The following FTO variants were observed in gnomAD, a reference collection of about 807,000 sequenced individuals.
The protein encoded by FTO is FTO alpha-ketoglutarate dependent dioxygenase.
A neutral mutation model predicts 63.9 loss-of-function variants in FTO; 47 were observed. The observed-to-expected ratio is 0.74, with a 90% CI of 0.58 to 0.94. The LOEUF is 0.94. Among genes scored for constraint, FTO ranks in the 40% least tolerant of loss-of-function variants. The pLI is 0.00. For synonymous variants in FTO, 207 were observed against 224.4 expected (o/e 0.92, Z 0.69); for missense variants, 562 against 618.1 (o/e 0.91, Z 0.96).
chr16:53,987,460 G>A (rs2143867741), intron 8 of FTO, among the ~76,000 whole-genome samples: 1 of 151,960 alleles, frequency 6.6e-6, no homozygotes, highest in Non-Finnish European at 1.5e-5. Flanking sequence ...GCATGCGCCT[G>A]TAATCCCAGC....
chr16:53,846,890 GATTAAAAAAGCAATA>G (rs1219292360), intron 4 of FTO, among the ~76,000 whole-genome samples: 1 of 150,800 alleles, frequency 6.6e-6, no homozygotes, highest in Admixed American at 6.6e-5. Flanking sequence ...GTTCTTTTCT[GATTAAAAAAGCAATA>G]TGTGCTTATT....
At chr16:53,971,714 TTAACTG>T (rs1159564984) in intron 8 of FTO, among the ~76,000 whole-genome samples, 1 of 152,240 alleles carries the variant, frequency 6.6e-6, no homozygotes, top group African/African-American at 2.4e-5. Context: ...GCTGCTACTT[TTAACTG>T]TGTGTTAACT....
At chr16:54,090,052 A>T (rs1336552295) in intron 8 of FTO, among the ~76,000 whole-genome samples, 2 of 152,180 alleles carry the variant, frequency 1.3e-5, no homozygotes, top group African/African-American at 4.8e-5. Flanking sequence ...AAAGAATTGA[A>T]AGCAGGGACT....
chr16:53,996,544 A>G (rs1199082102), intron 8 of FTO, among the ~76,000 whole-genome samples: 2 of 152,214 alleles, frequency 1.3e-5, no homozygotes, highest in African/African-American at 4.8e-5. Context: ...CTTGGAGCCT[A>G]GTAAGGGAGA....
intron 1 of FTO, among the ~76,000 whole-genome samples, chr16:53,731,013 T>A (rs1317082370): frequency 3.3e-5 from 5 of 152,188 alleles, no homozygotes; most frequent in African/African-American, 1.2e-4. Context: ...AGATAGGGAT[T>A]TTTTAAGGCT....
intron 8 of FTO, among the ~76,000 whole-genome samples, chr16:54,062,775 T>A (rs2085614579): frequency 6.6e-6 from 1 of 152,174 alleles, no homozygotes; most frequent in Non-Finnish European, 1.5e-5. Context: ...TGCGCTGGCT[T>A]GACACACAGG....
chr16:53,963,638 C>T (rs1329541637), intron 8 of FTO, among the ~76,000 whole-genome samples: 1 of 152,180 alleles, frequency 6.6e-6, no homozygotes, highest in African/African-American at 2.4e-5. Context: ...GGCCACGTGA[C>T]GTGCCTGCTT....
chr16:53,709,113 C>T (rs891724909), intron 1 of FTO, among the ~76,000 whole-genome samples: 4 of 152,136 alleles, frequency 2.6e-5, no homozygotes, highest in Admixed American at 1.3e-4. Context: ...TTGTCATCCC[C>T]ATAATGGGCA....
intron 6 of FTO, among the ~76,000 whole-genome samples, chr16:53,888,317 C>T (rs1044635345): frequency 1.1e-5 from 1 of 90,338 alleles, no homozygotes; most frequent in African/African-American, 3.6e-5. Context: ...AATCCTCTTG[C>T]CTCAGCCTCC....
intron 8 of FTO, among the ~76,000 whole-genome samples, chr16:53,982,565 T>C (rs1395481085): frequency 6.6e-6 from 1 of 152,196 alleles, no homozygotes; most frequent in Non-Finnish European, 1.5e-5. Flanking sequence ...TGCATGAACT[T>C]GTTCATGGTA....
intron 8 of FTO, among the ~76,000 whole-genome samples, chr16:53,964,174 A>G (rs1191446177): frequency 3.9e-5 from 6 of 152,218 alleles, no homozygotes; most frequent in Non-Finnish European, 7.3e-5. Context: ...CAGGTCAGGG[A>G]TCAGCAAACT....
At chr16:54,042,197 G>A (rs943234679) in intron 8 of FTO, among the ~76,000 whole-genome samples, 1 of 148,726 alleles carries the variant, frequency 6.7e-6, no homozygotes, top group Non-Finnish European at 1.5e-5. Flanking sequence ...CTGAGGTACC[G>A]GGTTCATCTC....
At chr16:53,827,316 G>A (rs2079033049) in intron 3 of FTO, among the ~76,000 whole-genome samples, 2 of 152,290 alleles carry the variant, frequency 1.3e-5, no homozygotes, top group East Asian at 1.9e-4. Context: ...AGATGGAGGA[G>A]AGCATGACCT....
At chr16:53,716,658 G>A (rs2151477886) in intron 1 of FTO, among the ~76,000 whole-genome samples, 1 of 152,054 alleles carries the variant, frequency 6.6e-6, no homozygotes, top group African/African-American at 2.4e-5. Context: ...ATGAAAGTCA[G>A]CTTCGTAAAT....
chr16:54,058,307 G>A (rs1042755744), intron 8 of FTO, among the ~76,000 whole-genome samples: 2 of 152,068 alleles, frequency 1.3e-5, no homozygotes, highest in East Asian at 1.9e-4. Context: ...ATTTTTAATA[G>A]AGATGGGGTT....
At chr16:53,738,458 A>ATT (rs2151531330) in intron 1 of FTO, among the ~76,000 whole-genome samples, 1 of 152,304 alleles carries the variant, frequency 6.6e-6, no homozygotes, top group South Asian at 2.1e-4. Context: ...ATAATATTCC[A>ATT]TTATATGGAC....
At chr16:53,783,722 A>C (rs1400337569) in intron 1 of FTO, among the ~76,000 whole-genome samples, 3 of 151,264 alleles carry the variant, frequency 2.0e-5, no homozygotes, top group Non-Finnish European at 4.4e-5. Context: ...CGAAAGGTGG[A>C]GGTTGCAGTG....
chr16:53,867,528 T>TG lies in FTO; in HGVS notation c.896-6258_896-6257insG, dbSNP rs200085726. On this transcript the variant is annotated intron_variant, in intron 4 of 8. Coordinates refer to ENST00000471389, the MANE Select transcript of FTO (RefSeq NM_001080432.3). ...GTGTGTGTGTGTGTGTGTGTGTGTG[T>TG]TTGTGTGTACCTATGTATGCTTATT... Among the ~76,000 whole-genome samples, 208 of 151,220 alleles carry TG rather than the reference T, an allele frequency of 1.4e-3. 2 individuals are homozygous for TG. The highest frequency in any genetic ancestry group is 6.8e-3 in the Middle Eastern group (2 of 292).
intron 8 of FTO, among the ~76,000 whole-genome samples, chr16:53,970,091 T>G (rs1012964187): frequency 6.6e-6 from 1 of 152,220 alleles, no homozygotes; most frequent in Non-Finnish European, 1.5e-5. Context: ...TGAAATTGCC[T>G]GTTGCATGGT....
Sources: allele counts gnomAD v4.1 joint callset (sites outside exome capture counted in the v4.1 genomes callset), GRCh38; gene constraint gnomAD v4.1.1; transcripts MANE v1.5; gene names NCBI Gene and HGNC (gene_info 2026-07-23, HGNC 2026-07-21).